Variants in ATF7 observed in about 807,000 individuals in gnomAD.
ATF7 encodes activating transcription factor 7.
In ATF7, 10 loss-of-function variants were observed where a neutral mutation model predicts 50.4. That is an observed-to-expected ratio of 0.20 (90% CI 0.12 to 0.34). ATF7 has a LOEUF of 0.34. Among genes scored for constraint, ATF7 ranks in the 10% least tolerant of loss-of-function variants. ATF7 has a pLI of 1.00. For synonymous variants in ATF7, 201 were observed against 226.4 expected, an observed-to-expected ratio of 0.89 and a Z score of 1.01; for missense variants, 465 against 613.9, an observed-to-expected ratio of 0.76 and a Z score of 2.56.
At chr12:53,525,209 CG>C (rs1189779011) in intron 9 of ATF7, among the ~76,000 whole-genome samples, 1 of 152,104 alleles carries the variant, frequency 6.6e-6, no homozygotes, top group African/African-American at 2.4e-5. Context: ...CAAAATTAGC[CG>C]GGTATGGTGG....
intron 1 of ATF7, among the ~76,000 whole-genome samples, chr12:53,620,447 G>C (rs1437641982): frequency 6.7e-6 from 1 of 150,052 alleles, no homozygotes; most frequent in Non-Finnish European, 1.5e-5. Context: ...GTAGTGGCGG[G>C]CGCCTGTAGT....
At chr12:53,510,457 AGCAGCGGTG>A (rs1174421861), downstream of ATF7, among the ~76,000 whole-genome samples, 1 of 152,166 alleles carries the variant, frequency 6.6e-6, no homozygotes, top group Non-Finnish European at 1.5e-5. Context: ...GGTCCAGAGG[AGCAGCGGTG>A]TGAGGGTGGA....
intron 1 of ATF7, among the ~76,000 whole-genome samples, chr12:53,619,966 T>G (rs995034776): frequency 6.6e-6 from 1 of 151,776 alleles, no homozygotes; most frequent in African/African-American, 2.4e-5. Flanking sequence ...GGAAACATGA[T>G]GAGACCTCTA....
chr12:53,529,340 C>T (rs1035193519), intron 9 of ATF7, among the ~76,000 whole-genome samples: 26 of 152,120 alleles, frequency 1.7e-4, no homozygotes, highest in Admixed American at 7.9e-4. Context: ...GCTGGGATTA[C>T]AGGCGTGCGC....
At chr12:53,619,972 C>T (rs1027890188) in intron 1 of ATF7, among the ~76,000 whole-genome samples, 1 of 151,752 alleles carries the variant, frequency 6.6e-6, no homozygotes, top group African/African-American at 2.4e-5. Context: ...ATGATGAGAC[C>T]TCTACAAAAA....
rs114772916 is a variant in ATF7, at chr12:53,543,055, A to G, written c.264+275T>C. 891 of 1,310,480 alleles carry G rather than the reference A, an allele frequency of 6.8e-4. 6 individuals are homozygous for G. In the African/African-American group the frequency reaches 0.012, roughly 18 times the overall value. 81.2% of individuals were successfully genotyped at this position (1,310,480 alleles called of 1,614,324 possible). A position where few individuals can be genotyped will look rare whatever the true frequency, so the allele number is the denominator to read the frequency against. On this transcript the variant is annotated intron_variant, in intron 4 of 11. Transcript: ENST00000420353. ...TCTTCAACATATTTATAATATAAAT[A>G]TTTTTTAAAAAACCGATTATTAAAC...
chr12:53,580,513 A>C (rs1472145743), intron 2 of ATF7, among the ~76,000 whole-genome samples: 1 of 151,024 alleles, frequency 6.6e-6, no homozygotes, highest in African/African-American at 2.4e-5. Flanking sequence ...AAATACAAAA[A>C]ATTAGCTGGG....
chr12:53,561,193 C>T (rs1009372505), intron 2 of ATF7, among the ~76,000 whole-genome samples: 22 of 151,946 alleles, frequency 1.4e-4, no homozygotes, highest in African/African-American at 2.4e-5. Context: ...CATCCCACCT[C>T]AGCCTTCCAA....
chr12:53,612,802 G>A (rs897458468), intron 1 of ATF7, among the ~76,000 whole-genome samples: 8 of 152,120 alleles, frequency 5.3e-5, no homozygotes, highest in Non-Finnish European at 7.4e-5. Flanking sequence ...CCAGGAGTTC[G>A]AGACCAGCTT....
intron 2 of ATF7, among the ~76,000 whole-genome samples, chr12:53,586,371 T>C (rs1942680003): frequency 6.6e-6 from 1 of 151,054 alleles, no homozygotes; most frequent in Non-Finnish European, 1.5e-5. Context: ...ATGAACATAA[T>C]GTAATTTAAA....
intron 2 of ATF7, among the ~76,000 whole-genome samples, chr12:53,569,233 A>G (rs911363260): frequency 2.0e-4 from 30 of 152,358 alleles, no homozygotes; most frequent in African/African-American, 7.0e-4. Flanking sequence ...ACTTATCCAC[A>G]TACTTCTAGA....
Position 53,538,274 on chromosome 12 carries a change from T to C in ATF7, c.265-722A>G, listed in dbSNP as rs1335384635. On this transcript the variant is annotated intron_variant, in intron 4 of 11. Transcript: ENST00000420353. ...TGAACACTTTCTCTGCCAACAAGGA[T>C]TACCCAATTACCAAAAGCAAACAAA... Among the ~76,000 whole-genome samples the C allele has an allele frequency of 2.0e-5, 3 of 152,102 alleles. No individual in the cohort carries two copies. The East Asian group carries it at 5.8e-4, about 29-fold the overall frequency.
chr12:53,536,653 C>T (rs915534029), intron 5 of ATF7, among the ~76,000 whole-genome samples: 8 of 151,454 alleles, frequency 5.3e-5, no homozygotes, highest in East Asian at 2.0e-4. Context: ...TTTGGGAGGC[C>T]GAGGCGGGCA....
At chr12:53,517,922 T>C (rs1937823677) in intron 11 of ATF7, among the ~76,000 whole-genome samples, 1 of 152,194 alleles carries the variant, frequency 6.6e-6, no homozygotes, top group Non-Finnish European at 1.5e-5. Context: ...TGGAGTGCAG[T>C]GGTGCAATCT....
intron 2 of ATF7, among the ~76,000 whole-genome samples, chr12:53,578,653 G>C (rs1440107557): frequency 6.6e-6 from 1 of 151,536 alleles, no homozygotes; most frequent in Non-Finnish European, 1.5e-5. Context: ...GCATGGTGGT[G>C]CTTATCTGCT....
At chr12:53,618,735 T>C (rs960704120) in intron 1 of ATF7, among the ~76,000 whole-genome samples, 1 of 152,234 alleles carries the variant, frequency 6.6e-6, no homozygotes. Context: ...ATAGTTGGTA[T>C]AGGTTTTTAT....
chr12:53,523,866 C>A (rs749018097), intron 10 of ATF7, among the ~76,000 whole-genome samples: 2 of 151,756 alleles, frequency 1.3e-5, no homozygotes, highest in Non-Finnish European at 2.9e-5. Flanking sequence ...ATGGCTAGAT[C>A]TCCAGGAAAC....
At chr12:53,523,192 A>T (rs1225573929) in intron 11 of ATF7, 84 bp downstream of exon 11, 13 of 1,022,104 alleles carry the variant, frequency 1.3e-5, no homozygotes, top group Non-Finnish European at 1.8e-5. Context: ...TTCAGAATGG[A>T]GTTATAAAAT....
chr12:53,534,569 G>A lies in ATF7; in HGVS notation c.493C>T (p.Leu165Phe). Residue 165 changes from leucine (L) to phenylalanine (F), a missense_variant, in exon 6 of 12, where the codon CTT (leucine) becomes TTT (phenylalanine). Coordinates refer to ENST00000420353, the MANE Select transcript of ATF7 (RefSeq NM_006856.3). ...SLPLHLGYDPLHPTLPSPTSV... is the reference protein window; with the variant it reads ...SLPLHLGYDPFHPTLPSPTSV... ...GTTGGGGAGGGAAGGGTTGGATGAA[G>A]TGGATCATAGCCCAAGTGGAGAGGC... 1.2e-6 allele frequency: 2 copies of A among 1,613,904 alleles called. No individual in the cohort carries two copies. Among genetic ancestry groups the A allele is most frequent in the South Asian group, 1.1e-5 (1 of 91,068 alleles).
Sources: allele counts gnomAD v4.1 joint callset (sites outside exome capture counted in the v4.1 genomes callset), GRCh38; gene constraint gnomAD v4.1.1; transcripts MANE v1.5; gene names NCBI Gene and HGNC (gene_info 2026-07-23, HGNC 2026-07-21).